Variants in MAD1L1 observed in about 807,000 individuals in gnomAD.
The protein encoded by MAD1L1 is mitotic spindle assembly checkpoint protein MAD1.
A neutral mutation model predicts 96.9 loss-of-function variants in MAD1L1; 95 were observed. The ratio of observed to expected loss-of-function variants is 0.98; its 90% CI spans 0.83 to 1.16. MAD1L1 has a LOEUF of 1.16. Among genes scored for constraint, MAD1L1 ranks in the 50% most tolerant of loss-of-function variants. MAD1L1 has a pLI of 0.00. For synonymous variants in MAD1L1, 473 were observed against 396.6 expected (o/e 1.19, Z -2.29); for missense variants, 1,007 against 954.4 (o/e 1.06, Z -0.73).
intron 3 of MAD1L1, among the ~76,000 whole-genome samples, chr7:2,229,117 G>T (rs1056481050): frequency 6.6e-6 from 1 of 152,222 alleles, no homozygotes; most frequent in African/African-American, 2.4e-5. Context: ...ACCAAATGCA[G>T]CAGGGCCTCA....
chr7:2,079,588 G>C, intron 11 of MAD1L1: 3 of 469,120 alleles, frequency 6.4e-6, no homozygotes, highest in South Asian at 4.7e-5. Context: ...GAGGCCACAC[G>C]GCAAATACTC....
chr7:2,159,835 C>G (rs1411393523), intron 10 of MAD1L1, among the ~76,000 whole-genome samples: 1 of 152,192 alleles, frequency 6.6e-6, no homozygotes, highest in Admixed American at 6.5e-5. Context: ...ACCAAAAAGG[C>G]AGTGCTAAAT....
At chr7:1,951,787 T>C (rs1256369068) in intron 16 of MAD1L1, among the ~76,000 whole-genome samples, 1 of 152,074 alleles carries the variant, frequency 6.6e-6, no homozygotes, top group Non-Finnish European at 1.5e-5. Flanking sequence ...CTTGAGGCTG[T>C]ATCTATCATG....
chr7:2,042,342 GAC>G (rs1402332237), intron 12 of MAD1L1, among the ~76,000 whole-genome samples: 2 of 152,008 alleles, frequency 1.3e-5, no homozygotes, highest in Non-Finnish European at 2.9e-5. Context: ...CACACGCACA[GAC>G]ACACACATGG....
intron 16 of MAD1L1, among the ~76,000 whole-genome samples, chr7:1,945,421 G>C (rs1256569758): frequency 1.3e-5 from 2 of 152,252 alleles, no homozygotes; most frequent in Admixed American, 6.5e-5. Flanking sequence ...GGTGGCTAGA[G>C]TGGTTAGAGT....
Position 2,111,723 on chromosome 7 carries a change from G to A in MAD1L1, c.1073+37429C>T, listed in dbSNP as rs551080797. On this transcript the variant is annotated intron_variant, in intron 11 of 18. Coordinates refer to ENST00000265854, the MANE Select transcript of MAD1L1 (RefSeq NM_001013836.2). ...CGCAACACACAGCCCACACAGCCCT[G>A]TGGGGGCAGCTAAGCCCAAAACCCT... 2.6e-5 allele frequency among the ~76,000 whole-genome samples: 4 copies of A among 152,356 alleles called. No individual in the cohort carries two copies. The South Asian group carries it at 8.3e-4, about 32-fold the overall frequency.
intron 17 of MAD1L1, among the ~76,000 whole-genome samples, chr7:1,914,025 C>A (rs113511007): frequency 0.034 from 5,183 of 152,234 alleles, 199 homozygotes; most frequent in Admixed American, 0.1. Flanking sequence ...AGGTCTCCCC[C>A]CCCAGCACGC....
intron 12 of MAD1L1, among the ~76,000 whole-genome samples, chr7:2,065,722 C>T (rs927978587): frequency 2.0e-5 from 3 of 152,334 alleles, no homozygotes; most frequent in South Asian, 2.1e-4. Context: ...GCAGCCACGA[C>T]GTGAGTCCGA....
chr7:1,921,342 A>G (rs1190016591), intron 17 of MAD1L1, among the ~76,000 whole-genome samples: 1 of 150,124 alleles, frequency 6.7e-6, no homozygotes, highest in Admixed American at 6.6e-5. Context: ...TTTTGGAGAC[A>G]GGGTCTATCT....
At chr7:1,868,477 A>ACCCCCC (rs1554277847) in intron 18 of MAD1L1, among the ~76,000 whole-genome samples, 2 of 115,904 alleles carry the variant, frequency 1.7e-5, no homozygotes, top group Non-Finnish European at 3.6e-5. Context: ...GAGGCCTCCC[A>ACCCCCC]CCCACCCCAC....
At chr7:2,157,647 G>A (rs1789910014) in intron 10 of MAD1L1, among the ~76,000 whole-genome samples, 1 of 147,712 alleles carries the variant, frequency 6.8e-6, no homozygotes, top group East Asian at 2.1e-4. Flanking sequence ...GAGGGCTGGA[G>A]CTCCACCACC....
intron 18 of MAD1L1, among the ~76,000 whole-genome samples, chr7:1,840,818 T>A (rs184814940): frequency 6.6e-6 from 1 of 152,248 alleles, no homozygotes; most frequent in Non-Finnish European, 1.5e-5. Flanking sequence ...TTTCTCTGCC[T>A]ACTTGGACCT....
At chr7:1,995,844 C>T (rs1465797251) in intron 14 of MAD1L1, among the ~76,000 whole-genome samples, 1 of 152,210 alleles carries the variant, frequency 6.6e-6, no homozygotes, top group East Asian at 1.9e-4. Flanking sequence ...TCCAGCATGC[C>T]AAGCACGAAG....
At chr7:1,966,560 C>CAA (rs199627043) in intron 15 of MAD1L1, among the ~76,000 whole-genome samples, 200 of 9,226 alleles carry the variant, frequency 0.022, 9 homozygotes, top group African/African-American at 0.045. Context: ...CCAAACTTGG[C>CAA]AAAAAAAAAA....
At chr7:2,211,827 C>T (rs540445496) in intron 10 of MAD1L1, among the ~76,000 whole-genome samples, 6 of 152,316 alleles carry the variant, frequency 3.9e-5, no homozygotes, top group South Asian at 4.1e-4. Context: ...AACCAGCAGT[C>T]GGACGGTGTG....
At chr7:1,920,739 C>T (rs1788736524) in intron 17 of MAD1L1, among the ~76,000 whole-genome samples, 1 of 152,326 alleles carries the variant, frequency 6.6e-6, no homozygotes, top group Admixed American at 6.5e-5. Context: ...ATGACCAGTC[C>T]ATGAGGTGAC....
chr7:1,886,042 G>A (rs1021006929), intron 18 of MAD1L1, among the ~76,000 whole-genome samples: 2 of 152,154 alleles, frequency 1.3e-5, no homozygotes, highest in Non-Finnish European at 2.9e-5. Flanking sequence ...GCCCTCACCA[G>A]CCCTCGTCCG....
chr7:1,853,849 C>T lies in MAD1L1; in HGVS notation c.1999-37621G>A, dbSNP rs916175766. 2.0e-5 allele frequency among the ~76,000 whole-genome samples: 3 copies of T among 152,158 alleles called. No homozygotes were observed. The East Asian group carries it at 5.8e-4, about 29-fold the overall frequency. Reference sequence around the variant, plus strand: ...CCTGGGTGGCCGAGCAGGGGAGGACCGGGCAGGCCCCACCTGGCCGTCTGA... The same window carrying T: ...CCTGGGTGGCCGAGCAGGGGAGGACTGGGCAGGCCCCACCTGGCCGTCTGA... On this transcript the variant is annotated intron_variant, in intron 18 of 18. Coordinates refer to ENST00000265854, the MANE Select transcript of MAD1L1 (RefSeq NM_001013836.2).
chr7:2,052,794 C>A (rs1447414185), intron 12 of MAD1L1, among the ~76,000 whole-genome samples: 2 of 152,192 alleles, frequency 1.3e-5, no homozygotes, highest in African/African-American at 2.4e-5. Flanking sequence ...GCGCCACAGA[C>A]TGCTGCCCGG....
Sources: allele counts gnomAD v4.1 joint callset (sites outside exome capture counted in the v4.1 genomes callset), GRCh38; gene constraint gnomAD v4.1.1; transcripts MANE v1.5; gene names NCBI Gene and HGNC (gene_info 2026-07-23, HGNC 2026-07-21).